The following COL24A1 variants were observed in gnomAD, a reference collection of about 807,000 sequenced individuals.
COL24A1 encodes collagen alpha-1(XXIV) chain.
COL24A1 carries 224 observed loss-of-function variants against 253.9 expected under a neutral mutation model. That is an observed-to-expected ratio of 0.88 (90% CI 0.79 to 0.99). The LOEUF is 0.99. Among genes scored for constraint, COL24A1 ranks in the 50% least tolerant of loss-of-function variants. The pLI is 0.00. For missense variants in COL24A1, 2,131 were observed against 2,068.5 expected, an observed-to-expected ratio of 1.03 and a Z score of -0.59; for synonymous variants, 685 against 673.7, an observed-to-expected ratio of 1.02 and a Z score of -0.26.
chr1:86,003,857 G>A (rs1354337098), intron 19 of COL24A1, among the ~76,000 whole-genome samples: 2 of 152,126 alleles, frequency 1.3e-5, no homozygotes, highest in Non-Finnish European at 2.9e-5. Context: ...AGTATAAAGA[G>A]TTCGCCCTCA....
chr1:85,808,759 C>A (rs1286948117), intron 47 of COL24A1, among the ~76,000 whole-genome samples: 1 of 152,158 alleles, frequency 6.6e-6, no homozygotes, highest in South Asian at 2.1e-4. Flanking sequence ...GCCCGTTGCA[C>A]AGACAAAAAT....
At chr1:85,991,185 G>C (rs574053640) in intron 19 of COL24A1, among the ~76,000 whole-genome samples, 1 of 152,076 alleles carries the variant, frequency 6.6e-6, no homozygotes, top group Non-Finnish European at 1.5e-5. Flanking sequence ...CAATTTGCAG[G>C]AAACACACAG....
At position 85,982,551 on chromosome 1, in the gene COL24A1, A is replaced by G. The variant is rs144327424; in HGVS notation, c.2364+5050T>C. 2.2e-3 allele frequency among the ~76,000 whole-genome samples: 333 copies of G among 148,770 alleles called. 2 individuals carry two copies. Among genetic ancestry groups the G allele is most frequent in the African/African-American group, 8.0e-3 (323 of 40,312 alleles). ...CTCTCCATTCCAGTGTTCATTTTGT[A>G]TCTCTCATCCCTCGGCTCCACTTGG... On this transcript the variant is annotated intron_variant, in intron 20 of 59. Transcript: ENST00000370571.
At chr1:86,120,272 A>G (rs1383947385) in intron 3 of COL24A1, among the ~76,000 whole-genome samples, 3 of 152,232 alleles carry the variant, frequency 2.0e-5, no homozygotes, top group African/African-American at 7.2e-5. Flanking sequence ...AATGGCAACA[A>G]AAGCCAAAAT....
intron 47 of COL24A1, among the ~76,000 whole-genome samples, chr1:85,790,489 T>C (rs969899867): frequency 2.8e-4 from 43 of 151,504 alleles, no homozygotes; most frequent in African/African-American, 7.9e-4. Context: ...TTTTTTTTTT[T>C]CAAAAGACCA....
chr1:86,067,935 A>T (rs905677133), intron 7 of COL24A1, among the ~76,000 whole-genome samples: 3 of 152,256 alleles, frequency 2.0e-5, no homozygotes, highest in Non-Finnish European at 4.4e-5. Flanking sequence ...TCTGATTAGC[A>T]TTCTGAAAAC....
At chr1:85,741,610 A>C (rs556040595) in intron 57 of COL24A1, among the ~76,000 whole-genome samples, 1 of 152,280 alleles carries the variant, frequency 6.6e-6, no homozygotes, top group African/African-American at 2.4e-5. Context: ...TACCTCCTGA[A>C]GCCACCAAGC....
chr1:85,808,723 G>A (rs1672231527), intron 47 of COL24A1, among the ~76,000 whole-genome samples: 1 of 152,198 alleles, frequency 6.6e-6, no homozygotes, highest in Non-Finnish European at 1.5e-5. Context: ...TGATAAATGG[G>A]TGTAATCACC....
At chr1:86,011,996 T>A (rs1378642361) in intron 19 of COL24A1, among the ~76,000 whole-genome samples, 1 of 152,170 alleles carries the variant, frequency 6.6e-6, no homozygotes, top group East Asian at 1.9e-4. Flanking sequence ...TTTTTTCTTT[T>A]TAGTAGAGAC....
intron 12 of COL24A1, among the ~76,000 whole-genome samples, chr1:86,042,049 A>G (rs968031600): frequency 1.3e-5 from 2 of 152,140 alleles, no homozygotes; most frequent in African/African-American, 2.4e-5. Flanking sequence ...TAGGGAGTGC[A>G]GGAGGGAAGG....
At chr1:86,144,602 A>C (rs1651619260) in intron 2 of COL24A1, among the ~76,000 whole-genome samples, 1 of 152,130 alleles carries the variant, frequency 6.6e-6, no homozygotes, top group African/African-American at 2.4e-5. Context: ...GATGATACAA[A>C]ATATACATTT....
intron 24 of COL24A1, among the ~76,000 whole-genome samples, chr1:85,919,631 T>C (rs894527678): frequency 1.3e-5 from 2 of 152,126 alleles, no homozygotes; most frequent in African/African-American, 4.8e-5. Context: ...AGTGGAGCAA[T>C]GATTGCATCA....
At chr1:85,858,826 G>A (rs1558418447) in intron 37 of COL24A1, among the ~76,000 whole-genome samples, 1 of 151,386 alleles carries the variant, frequency 6.6e-6, no homozygotes, top group South Asian at 2.1e-4. Context: ...CTGCAGCCCC[G>A]ACCTTCCAGC....
chr1:85,979,122 A>T (rs934681659), intron 20 of COL24A1, among the ~76,000 whole-genome samples: 1 of 152,158 alleles, frequency 6.6e-6, no homozygotes, highest in Non-Finnish European at 1.5e-5. Context: ...GATGGAAATT[A>T]AAAAATTATT....
intron 19 of COL24A1, among the ~76,000 whole-genome samples, chr1:85,988,264 T>A (rs1050613616): frequency 6.6e-6 from 1 of 152,014 alleles, no homozygotes; most frequent in Non-Finnish European, 1.5e-5. Context: ...CCATCATTAA[T>A]TAATAAATTG....
chr1:85,768,629 C>T (rs978274492), intron 53 of COL24A1, among the ~76,000 whole-genome samples: 1 of 151,874 alleles, frequency 6.6e-6, no homozygotes, highest in Admixed American at 6.6e-5. Context: ...TAGAATCACA[C>T]ATATTCAGAT....
In COL24A1 at chr1:85,945,019, T is replaced by TTTTTTTTG. The variant is rs1689178945; in HGVS notation, c.2562+16229_2562+16230insCAAAAAAA. On this transcript the variant is annotated intron_variant, in intron 24 of 59. Transcript: ENST00000370571. ...ATCATTGTGTTTTTTTTTTTTTTTT[T>TTTTTTTTG]TTTTTTTTTTTTTTTTGAGACAGAG... Among the ~76,000 whole-genome samples the TTTTTTTTG allele has an allele frequency of 4.1e-3, 298 of 73,364 alleles. 34 individuals carry two copies. Among genetic ancestry groups the TTTTTTTTG allele is most frequent in the East Asian group, 0.013 (22 of 1,670 alleles). The allele number at this position is 73,364 out of a possible 152,430, so 48.1% of individuals were successfully genotyped here.
intron 37 of COL24A1, among the ~76,000 whole-genome samples, chr1:85,861,973 A>T (rs1679203114): frequency 6.6e-6 from 1 of 152,110 alleles, no homozygotes; most frequent in Admixed American, 6.5e-5. Context: ...ATCTTCCCAC[A>T]GTTCTTTGCT....
intron 3 of COL24A1, among the ~76,000 whole-genome samples, chr1:86,123,793 C>G (rs1050608606): frequency 1.7e-4 from 26 of 151,682 alleles, no homozygotes; most frequent in South Asian, 4.1e-4. Flanking sequence ...TTTTAAATGT[C>G]TAAACATTTA....
Sources: allele counts gnomAD v4.1 joint callset (sites outside exome capture counted in the v4.1 genomes callset), GRCh38; gene constraint gnomAD v4.1.1; transcripts MANE v1.5; gene names NCBI Gene and HGNC (gene_info 2026-07-23, HGNC 2026-07-21).